ROBO2: variants seen among roughly 807,000 people sequenced by gnomAD.
The protein encoded by ROBO2 is roundabout homolog 2.
ROBO2 carries 53 observed loss-of-function variants against 160.8 expected under a neutral mutation model. The observed-to-expected ratio is 0.33, with a 90% CI of 0.26 to 0.41. The LOEUF is 0.41. Ranked by LOEUF, ROBO2 falls within the 10% of genes least tolerant of loss-of-function variation. The probability of loss-of-function intolerance (pLI) is 1.00; values close to 1 mark genes in which losing one functional copy is unlikely to be tolerated. For synonymous variants in ROBO2, 664 were observed against 611.7 expected (o/e 1.09, Z -1.26); for missense variants, 1,577 against 1,722.4 (o/e 0.92, Z 1.49).
At chr3:77,516,328 C>T (rs2090013738) in intron 5 of ROBO2, among the ~76,000 whole-genome samples, 1 of 151,484 alleles carries the variant, frequency 6.6e-6, no homozygotes, top group Non-Finnish European at 1.5e-5. Flanking sequence ...TCCCACTTTA[C>T]CTACCAGAAT....
chr3:77,118,455 A>C (rs2150241264), intron 2 of ROBO2, among the ~76,000 whole-genome samples: 1 of 152,316 alleles, frequency 6.6e-6, no homozygotes, highest in Middle Eastern at 3.4e-3. Context: ...CAATTAGAAC[A>C]CTAAACATTT....
intron 2 of ROBO2, among the ~76,000 whole-genome samples, chr3:76,192,281 C>T (rs113581576): frequency 0.043 from 6,457 of 151,576 alleles, 168 homozygotes; most frequent in South Asian, 0.055. Context: ...ACCTGACCTT[C>T]GATTGGCTTA....
chr3:77,071,743 A>C (rs1254716305), intron 1 of ROBO2, among the ~76,000 whole-genome samples: 1 of 152,140 alleles, frequency 6.6e-6, no homozygotes. Context: ...CGTGATTAGG[A>C]AACCATCAGT....
intron 2 of ROBO2, among the ~76,000 whole-genome samples, chr3:76,181,102 T>C (rs1414774799): frequency 6.6e-6 from 1 of 152,134 alleles, no homozygotes; most frequent in Non-Finnish European, 1.5e-5. Flanking sequence ...CAATGCTACC[T>C]GAATTAGGGC....
chr3:77,534,661 A>T (rs1201306464), intron 6 of ROBO2, among the ~76,000 whole-genome samples: 1 of 152,208 alleles, frequency 6.6e-6, no homozygotes, highest in Non-Finnish European at 1.5e-5. Context: ...TAGATTTATT[A>T]AAAATATATA....
chr3:76,473,312 C>T (rs1489296871), intron 2 of ROBO2, among the ~76,000 whole-genome samples: 2 of 152,158 alleles, frequency 1.3e-5, no homozygotes. Context: ...CAACAAGCCC[C>T]TCTTCCTTGA....
chr3:77,023,660 T>A (rs974911455), intron 2 of ROBO2, among the ~76,000 whole-genome samples: 1 of 152,172 alleles, frequency 6.6e-6, no homozygotes, highest in Non-Finnish European at 1.5e-5. Flanking sequence ...AGTCTTGTAG[T>A]GAAAAGTAAG....
chr3:76,845,221 G>A (rs1399380812), intron 2 of ROBO2, among the ~76,000 whole-genome samples: 1 of 151,688 alleles, frequency 6.6e-6, no homozygotes, highest in Non-Finnish European at 1.5e-5. Flanking sequence ...TCAATTTTTG[G>A]TTAAGAAACA....
At chr3:76,165,578 A>T (rs2072805882) in intron 2 of ROBO2, among the ~76,000 whole-genome samples, 1 of 152,162 alleles carries the variant, frequency 6.6e-6, no homozygotes, top group African/African-American at 2.4e-5. Context: ...CTTTGTAGTC[A>T]CAACTCAATT....
intron 2 of ROBO2, among the ~76,000 whole-genome samples, chr3:76,024,685 T>C (rs975846225): frequency 2.6e-5 from 4 of 151,660 alleles, no homozygotes; most frequent in Admixed American, 2.0e-4. Context: ...GAATTAGTAA[T>C]AATGTTTAAA....
Position 76,025,086 on chromosome 3 carries a change from A to G in ROBO2, c.109+87484A>G, listed in dbSNP as rs1209468865. ...CCATAGTGTTAGTAAGTCGATCTGTAGAAAAAAATAATAAAATACTACTTC... is the reference window on the plus strand; with the variant it reads ...CCATAGTGTTAGTAAGTCGATCTGTGGAAAAAAATAATAAAATACTACTTC... On this transcript the variant is annotated intron_variant, in intron 2 of 26. Transcript: ENST00000487694. 2.0e-5 allele frequency among the ~76,000 whole-genome samples: 3 copies of G among 151,442 alleles called. No individual in the cohort carries two copies. The East Asian group carries it at 5.8e-4, about 29-fold the overall frequency.
At chr3:76,738,344 A>G (rs1057459548) in intron 2 of ROBO2, among the ~76,000 whole-genome samples, 18 of 152,268 alleles carry the variant, frequency 1.2e-4, no homozygotes, top group African/African-American at 4.1e-4. Context: ...GAAAGTTAAG[A>G]TAGTTCAGGG....
chr3:76,320,508 C>A (rs1454719259), intron 2 of ROBO2, among the ~76,000 whole-genome samples: 3 of 152,086 alleles, frequency 2.0e-5, no homozygotes, highest in African/African-American at 7.2e-5. Flanking sequence ...AAAACTCTGT[C>A]ATGAAAAAAG....
intron 2 of ROBO2, among the ~76,000 whole-genome samples, chr3:76,485,736 T>C (rs2079457469): frequency 6.6e-6 from 1 of 152,188 alleles, no homozygotes; most frequent in Non-Finnish European, 1.5e-5. Context: ...CCAGATTACA[T>C]ACAAAATTTT....
chr3:76,442,736 G>T (rs534186856), intron 2 of ROBO2, among the ~76,000 whole-genome samples: 5 of 152,244 alleles, frequency 3.3e-5, no homozygotes, highest in Admixed American at 3.3e-4. Flanking sequence ...CCTTTGTCCA[G>T]TATAGCCACA....
intron 1 of ROBO2, among the ~76,000 whole-genome samples, chr3:75,915,204 A>G (rs1191146693): frequency 1.3e-5 from 2 of 152,208 alleles, no homozygotes; most frequent in African/African-American, 4.8e-5. Flanking sequence ...GAACATGTAA[A>G]GCTTATAGAA....
chr3:77,323,701 A>G (rs767386316), intron 2 of ROBO2, among the ~76,000 whole-genome samples: 8 of 152,128 alleles, frequency 5.3e-5, no homozygotes, highest in Non-Finnish European at 1.0e-4. Context: ...CCTGAAAATG[A>G]TTACAAAGCC....
At chr3:77,629,824 A>G (rs748660807) in intron 23 of ROBO2, 4 of 152,220 alleles carry the variant, frequency 2.6e-5, no homozygotes, top group Non-Finnish European at 4.4e-5. Flanking sequence ...CGTTGAATGC[A>G]TTTAATTCCA....
At chr3:76,265,585 T>C (rs1707048157) in intron 2 of ROBO2, among the ~76,000 whole-genome samples, 1 of 152,146 alleles carries the variant, frequency 6.6e-6, no homozygotes, top group Non-Finnish European at 1.5e-5. Flanking sequence ...TGTTTTTGTA[T>C]TGTAAACCTT....
Sources: gnomAD v4.1 joint callset for allele counts (sites outside exome capture counted in the v4.1 genomes callset) on GRCh38, gnomAD v4.1.1 for gene constraint, MANE v1.5 for transcripts, NCBI Gene and HGNC (gene_info 2026-07-23, HGNC 2026-07-21) for gene names.